The following TMPRSS9 variants were observed in gnomAD, a reference collection of about 807,000 sequenced individuals.
TMPRSS9 encodes transmembrane serine protease 9, also known as transmembrane protease serine 9.
A neutral mutation model predicts 111.4 loss-of-function variants in TMPRSS9; 113 were observed. That is an observed-to-expected ratio of 1.01 (90% CI 0.87 to 1.19). The LOEUF (loss-of-function observed/expected upper bound fraction) is 1.19, where lower values mean the gene tolerates loss of function less well. Ranked by LOEUF, TMPRSS9 falls within the 50% of genes most tolerant of loss-of-function variation. TMPRSS9 has a pLI of 0.00. For missense variants in TMPRSS9, 1,803 were observed against 1,513.1 expected (o/e 1.19, Z -3.18); for synonymous variants, 805 against 659.1 (o/e 1.22, Z -3.39).
At position 2,379,613 on chromosome 19, in the gene TMPRSS9, T is replaced by C. The variant is rs1019354656; in HGVS notation, c.-25-10148T>C. Among the ~76,000 whole-genome samples, 4 of 116,782 alleles carry C rather than the reference T, an allele frequency of 3.4e-5. No individual in the cohort carries two copies. In the East Asian group the frequency reaches 1.0e-3, roughly 31 times the overall value. The allele number at this position is 116,782 out of a possible 152,430, so 76.6% of individuals were successfully genotyped here. A position where few individuals can be genotyped will look rare whatever the true frequency, so the allele number is the denominator to read the frequency against. On this transcript the variant is annotated intron_variant, in intron 1 of 17. Coordinates refer to the TMPRSS9 transcript ENST00000649857. The stretch of plus-strand genomic sequence containing the variant: ...CTGACATTCCCTAAACTAACTTTCT[T>C]TCTCTTTCTTTCTTTCTTTCTTTCT...
At chr19:2,422,379 AC>A in intron 14 of TMPRSS9, 132 bp downstream of exon 15, 2 of 1,136,934 alleles carry the variant, frequency 1.8e-6, no homozygotes, top group Non-Finnish European at 2.4e-6. Flanking sequence ...GGAGATCGAG[AC>A]CATCCTGGCG....
At chr19:2,376,957 G>GAAAA (rs1970340021) in intron 1 of TMPRSS9, among the ~76,000 whole-genome samples, 1 of 152,032 alleles carries the variant, frequency 6.6e-6, no homozygotes, top group East Asian at 1.9e-4. Flanking sequence ...CGCCGGGGCA[G>GAAAA]AGGCACACCA....
intron 13 of TMPRSS9, among the ~76,000 whole-genome samples, chr19:2,419,393 G>A (rs1488232888): frequency 1.3e-5 from 2 of 151,346 alleles, no homozygotes; most frequent in East Asian, 2.0e-4. Flanking sequence ...TAGTAGAGAC[G>A]GGGTTTCACT....
chr19:2,410,813 C>CAA (rs1180169774), intron 9 of TMPRSS9, among the ~76,000 whole-genome samples: 2 of 152,174 alleles, frequency 1.3e-5, no homozygotes, highest in African/African-American at 4.8e-5. Context: ...TGTGGGGACA[C>CAA]AGACACTGTT....
chr19:2,361,745 G>T (rs1970200846), intron 1 of TMPRSS9, among the ~76,000 whole-genome samples: 1 of 152,220 alleles, frequency 6.6e-6, no homozygotes, highest in Non-Finnish European at 1.5e-5. Flanking sequence ...GTCAAACCAG[G>T]CCTCGGACCC....
At chr19:2,391,590 A>G (rs1353758414) in intron 1 of TMPRSS9, among the ~76,000 whole-genome samples, 1 of 118,078 alleles carries the variant, frequency 8.5e-6, no homozygotes, top group African/African-American at 2.9e-5. Flanking sequence ...GTGTGTATCT[A>G]TGTGTGCATG....
chr19:2,363,060 C>A (rs973373062), intron 1 of TMPRSS9, among the ~76,000 whole-genome samples: 1 of 152,162 alleles, frequency 6.6e-6, no homozygotes, highest in African/African-American at 2.4e-5. Flanking sequence ...GGTAATTGGG[C>A]CCTGCAGAGC....
intron 5 of TMPRSS9, among the ~76,000 whole-genome samples, chr19:2,402,253 A>G (rs1599296669): frequency 6.6e-6 from 1 of 151,948 alleles, no homozygotes; most frequent in East Asian, 2.0e-4. Context: ...AAAAAAGGCC[A>G]AAAATAATTT....
intron 9 of TMPRSS9, among the ~76,000 whole-genome samples, chr19:2,410,777 C>G (rs1304071831): frequency 6.6e-6 from 1 of 152,122 alleles, no homozygotes; most frequent in Non-Finnish European, 1.5e-5. Flanking sequence ...TAAATCCCCC[C>G]CAGCTGCCCT....
intron 1 of TMPRSS9, among the ~76,000 whole-genome samples, chr19:2,375,193 G>A (rs1275314717): frequency 6.6e-6 from 1 of 152,232 alleles, no homozygotes; most frequent in Non-Finnish European, 1.5e-5. Context: ...TGGGAAGAAG[G>A]CGTCTCCGTC....
In TMPRSS9 at chr19:2,400,064, G is replaced by A. The variant is rs143536450; in HGVS notation, c.514+871G>A. 5.0e-3 allele frequency among the ~76,000 whole-genome samples: 767 copies of A among 152,292 alleles called. 6 individuals carry two copies. Among genetic ancestry groups the A allele is most frequent in the African/African-American group, 0.018 (729 of 41,564 alleles). ...TCTTTGTGGTCCGTTGGGTTTCTGT[G>A]ACAAGCACTCAGCTCTGTTATTTGT... On this transcript the variant is annotated intron_variant, in intron 4 of 17. Coordinates refer to ENST00000648592, the Ensembl canonical transcript of TMPRSS9.
intron 16 of TMPRSS9, 38 bp downstream of exon 17, chr19:2,425,305 G>A (rs1353259129): frequency 2.4e-6 from 3 of 1,227,558 alleles, no homozygotes; most frequent in Non-Finnish European, 3.1e-6. Context: ...CGGGGCTCGG[G>A]GGGCGGCCGG....
exon 17 of TMPRSS9, chr19:2,425,366 C>T: frequency 1.3e-6 from 2 of 1,521,374 alleles, no homozygotes; most frequent in Non-Finnish European, 8.8e-7. Context: ...GGCTCCATGG[C>T]GCGGCAGCTG....
In TMPRSS9 at chr19:2,396,401, G is replaced by A. The variant is rs1458836510; in HGVS notation, c.143-138G>A. On this transcript the variant is annotated intron_variant, in intron 1 of 17. Transcript: ENST00000648592. ...GTAGCTATTCAGGGCTATCACGGGGGCGTCGACCACCCCACTGCGTGTCAG... is the reference window on the plus strand; with the variant it reads ...GTAGCTATTCAGGGCTATCACGGGGACGTCGACCACCCCACTGCGTGTCAG... 7 of 1,013,408 alleles carry A rather than the reference G, an allele frequency of 6.9e-6. No individual in the cohort carries two copies. In the East Asian group the frequency reaches 2.0e-4, roughly 29 times the overall value. 62.8% of individuals were successfully genotyped at this position (1,013,408 alleles called of 1,614,324 possible). A position where few individuals can be genotyped will look rare whatever the true frequency, so the allele number is the denominator to read the frequency against.
intron 8 of TMPRSS9, among the ~76,000 whole-genome samples, chr19:2,409,882 G>A (rs3848633): frequency 0.1 from 15,281 of 151,984 alleles, 1,162 homozygotes; most frequent in East Asian, 0.26. Context: ...AAGGATGGGC[G>A]TGAGACAGGG....
intron 1 of TMPRSS9, among the ~76,000 whole-genome samples, chr19:2,370,702 GCTTTTGCTTT>G (rs147588138): frequency 0.033 from 4,958 of 152,146 alleles, 299 homozygotes; most frequent in African/African-American, 0.11. Context: ...CCAGCCTTCA[GCTTTTGCTTT>G]CTTTTGCTTT....
At chr19:2,366,481 T>C (rs533842214) in intron 1 of TMPRSS9, among the ~76,000 whole-genome samples, 1 of 152,350 alleles carries the variant, frequency 6.6e-6, no homozygotes, top group Non-Finnish European at 1.5e-5. Flanking sequence ...ATTTATTCTG[T>C]CACAGTTTCT....
chr19:2,413,954 C>G, exon 10 of TMPRSS9: 1 of 1,611,942 alleles, frequency 6.2e-7, no homozygotes, highest in Non-Finnish European at 8.5e-7. Flanking sequence ...TCAGCACCCC[C>G]ACCAAATCGA....
At chr19:2,414,781 C>T (rs985662465) in intron 10 of TMPRSS9, among the ~76,000 whole-genome samples, 4 of 150,172 alleles carry the variant, frequency 2.7e-5, no homozygotes, top group Admixed American at 6.6e-5. Context: ...GCAGGAGAAT[C>T]GCTTGAACCC....
Sources: allele counts gnomAD v4.1 joint callset (sites outside exome capture counted in the v4.1 genomes callset), GRCh38; gene constraint gnomAD v4.1.1; transcripts MANE v1.5; gene names NCBI Gene and HGNC (gene_info 2026-07-23, HGNC 2026-07-21).